Variants in ARX observed in about 807,000 individuals in gnomAD.
The protein encoded by ARX is aristaless related homeobox, also known as homeobox protein ARX.
A neutral mutation model predicts 23.1 loss-of-function variants in ARX; 1 was observed. The ratio of observed to expected loss-of-function variants is 0.04; its 90% CI spans 0.02 to 0.21. The LOEUF is 0.21. Ranked by LOEUF, ARX falls within the 10% of genes least tolerant of loss-of-function variation. The probability of loss-of-function intolerance (pLI) is 1.00; values close to 1 mark genes in which losing one functional copy is unlikely to be tolerated. For synonymous variants in ARX, 301 were observed against 270.1 expected, an observed-to-expected ratio of 1.11 and a Z score of -1.12; for missense variants, 380 against 527.5, an observed-to-expected ratio of 0.72 and a Z score of 2.74.
chrX:25,006,463 TTA>T (rs1465761167), intron 4 of ARX: 5 of 112,895 alleles, frequency 4.4e-5, no homozygotes, highest in Non-Finnish European at 9.4e-5. Context: ...GTCTGTGTGA[TTA>T]TACAGACTTT....
At chrX:25,012,843 C>A in intron 2 of ARX, 79 bp downstream of exon 2, 1 of 1,166,488 alleles carries the variant, frequency 8.6e-7, no homozygotes, top group Non-Finnish European at 1.1e-6. Flanking sequence ...GAGGCCGGGG[C>A]CCCTGCCAGC....
At chrX:25,007,526 CG>C in intron 3 of ARX, 87 bp from the exon 4 acceptor site, 1 of 1,056,081 alleles carries the variant, frequency 9.5e-7, no homozygotes. Context: ...TGGCGCGCTG[CG>C]GGGCCCCCTT....
Position 25,013,678 on chromosome X carries a change from G to A in ARX, c.317C>T (p.Ala106Val). ...LLQGAAAAAA[A>V]AAAAAAAAAT... is the part of the protein sequence containing the mutation. ...GGCCGCTGCCGCCGCCGCCGCCGCC[G>A]CCGCCGCCGCCGCTGCCGCACCCTG... Residue 106 changes from alanine to valine, a missense_variant, in exon 2 of 5, where the codon GCG becomes GTG. By Grantham distance (64) the Ala-to-Val change is moderately conservative. Around this residue, in one of 3 missense-constraint regions of ARX, gnomAD observed 235 missense variants for 270.2 expected, o/e 0.87. Transcript: ENST00000379044. The A allele has an allele frequency of 2.4e-6, 2 of 832,890 alleles. No homozygotes were observed. The highest frequency in any genetic ancestry group is 2.9e-6 in the Non-Finnish European group (2 of 691,728). The allele number at this position is 832,890 out of a possible 1,213,427, so 68.6% of individuals were successfully genotyped here. A position where few individuals can be genotyped will look rare whatever the true frequency, so the allele number is the denominator to read the frequency against.
At chrX:25,005,393 C>A (rs1165781630) in intron 4 of ARX, among the ~76,000 whole-genome samples, 2 of 112,249 alleles carry the variant, frequency 1.8e-5, no homozygotes, top group Non-Finnish European at 3.8e-5. Context: ...TGCCCGGACG[C>A]ACGCCGCAGG....
chrX:25,013,443 C>T lies in ARX; in HGVS notation c.552G>A (p.Pro184=). ...SYRENGAPFV[P]PPPALDELGG... ...CCAGCTCGTCCAGCGCGGGCGGCGGCGGCACGAAGGGCGCCCCGTTCTCGC... is the reference window on the plus strand; with the variant it reads ...CCAGCTCGTCCAGCGCGGGCGGCGGTGGCACGAAGGGCGCCCCGTTCTCGC... Residue 184 remains proline (P), a synonymous_variant, in exon 2 of 5, where the codon CCG becomes CCA. Coordinates refer to ENST00000379044, the MANE Select transcript of ARX (RefSeq NM_139058.3). The T allele has an allele frequency of 6.4e-6, 6 of 933,838 alleles. No homozygotes were observed. The highest frequency in any genetic ancestry group is 5.1e-5 in the Admixed American group (1 of 19,552). The allele number at this position is 933,838 out of a possible 1,213,427, so 77.0% of individuals were successfully genotyped here.
intron 4 of ARX, among the ~76,000 whole-genome samples, chrX:25,005,362 C>T (rs1395294667): frequency 9.0e-6 from 1 of 111,469 alleles, no homozygotes; most frequent in Non-Finnish European, 1.9e-5. Context: ...AAAAAAAAGA[C>T]GGAGAAGGTG....
chrX:25,006,148 C>T (rs894882114), intron 4 of ARX: 6 of 112,370 alleles, frequency 5.3e-5, no homozygotes, highest in Admixed American at 1.9e-4. Context: ...AGAGACAGAA[C>T]TTTAAGATTT....
At chrX:25,005,399 G>T (rs1601945950) in intron 4 of ARX, among the ~76,000 whole-genome samples, 1 of 112,296 alleles carries the variant, frequency 8.9e-6, no homozygotes. Flanking sequence ...GACGCACGCC[G>T]CAGGCTCTGA....
intron 3 of ARX, among the ~76,000 whole-genome samples, chrX:25,009,888 C>G: frequency 9.0e-6 from 1 of 110,804 alleles, no homozygotes; most frequent in East Asian, 2.9e-4. Context: ...GCGGATTTGT[C>G]TAACAACCAA....
rs770318189 is a variant in ARX at position 25,004,862 on chromosome X, C to G, written c.1497G>C (p.Ala499=). ...APLTSASTAA[A]LLRQPTPAVE... ...CGGCGGGTGTGGGCTGTCTCAGGAG[C>G]GCGGCCGCGGTCGACGCGCTGGTCA... Residue 499 remains alanine (A), a synonymous_variant, in exon 5 of 5, where the codon GCG becomes GCC. Coordinates refer to ENST00000379044, the MANE Select transcript of ARX (RefSeq NM_139058.3). The G allele has an allele frequency of 1.7e-6, 2 of 1,147,530 alleles. No individual in the cohort carries two copies. Among genetic ancestry groups the G allele is most frequent in the African/African-American group, 3.7e-5 (2 of 54,575 alleles). The allele number at this position is 1,147,530 out of a possible 1,213,427, so 94.6% of individuals were successfully genotyped here.
intron 3 of ARX, 53 bp from the exon 4 acceptor site, chrX:25,007,492 C>G: frequency 1.8e-6 from 2 of 1,129,253 alleles, no homozygotes; most frequent in East Asian, 3.5e-5. Flanking sequence ...GCGGGCGCAC[C>G]GGGCCCCTAC....
rs1484617648 is a variant in ARX, at chrX:25,013,476, C to T, written c.519G>A (p.Lys173=). The T allele has an allele frequency of 1.1e-6, 1 of 908,890 alleles. No individual in the cohort carries two copies. The allele number at this position is 908,890 out of a possible 1,213,427, so 74.9% of individuals were successfully genotyped here. A position where few individuals can be genotyped will look rare whatever the true frequency, so the allele number is the denominator to read the frequency against. ...AGGGCGCCCCGTTCTCGCGGTACGA[C>T]TTGCTGCGGCTGATGCTCACCTGCG... ...QAPQVSISRS[K]SYRENGAPFV... Residue 173 remains lysine, a synonymous_variant, in exon 2 of 5, where the codon AAG becomes AAA. Coordinates refer to ENST00000379044, the MANE Select transcript of ARX (RefSeq NM_139058.3).
intron 1 of ARX, 32 bp downstream of exon 1, chrX:25,015,510 C>T: frequency 3.3e-6 from 4 of 1,202,889 alleles, no homozygotes; most frequent in Non-Finnish European, 4.5e-6. Context: ...GGCCCAATGC[C>T]CTTAGTAAGT....
At chrX:25,015,397 G>T in intron 1 of ARX, 145 bp downstream of exon 1, 1 of 775,918 alleles carries the variant, frequency 1.3e-6, no homozygotes. Context: ...GATGTTTAAC[G>T]CTCTTTGAGG....
intron 3 of ARX, among the ~76,000 whole-genome samples, chrX:25,009,118 G>A (rs1264383872): frequency 9.0e-6 from 1 of 111,584 alleles, no homozygotes; most frequent in Non-Finnish European, 1.9e-5. Context: ...CTCAAAGAAC[G>A]TGGAAACCTT....
Position 25,013,273 on chromosome X carries a change from T to C in ARX, c.722A>G (p.Glu241Gly). 1 of 1,154,340 alleles carries C rather than the reference T, an allele frequency of 8.7e-7. No individual in the cohort carries two copies. Among genetic ancestry groups the C allele is most frequent in the Non-Finnish European group, 1.1e-6 (1 of 869,875 alleles). Residue 241 changes from glutamate (E) to glycine (G), a missense_variant, in exon 2 of 5, where the codon GAG (glutamate) becomes GGG (glycine). Glu to Gly is a moderately conservative substitution (Grantham distance 98, BLOSUM62 -2). This residue lies in a region of ARX where 235 missense variants were observed against 270.2 expected (regional missense o/e 0.87). Coordinates refer to ENST00000379044, the MANE Select transcript of ARX (RefSeq NM_139058.3). The stretch of plus-strand genomic sequence containing the variant: ...CTCCTCGTCGTCCTCCAGCAGTTCC[T>C]CTTCCTCGTCCTCATCTTCTTCGTC... ...LEDEEDEDEE[E>G]ELLEDDEEEL...
rs1039187088 is a variant in ARX, at chrX:25,013,641, C to T, written c.354G>A (p.Thr118=). The T allele has an allele frequency of 1.1e-5, 8 of 759,992 alleles. No individual in the cohort carries two copies. The highest frequency in any genetic ancestry group is 1.2e-5 in the Non-Finnish European group (8 of 646,279). The allele number at this position is 759,992 out of a possible 1,213,427, so 62.6% of individuals were successfully genotyped here. Residue 118 remains threonine, a synonymous_variant, in exon 2 of 5, where the codon ACG becomes ACA. Transcript: ENST00000379044. ...GAGGGGCCTCCCCGCGTGGACCCGC[C>T]GTGGCCGTGGCGGCCGCTGCCGCCG... ...AAAAAAAATA[T]AGPRGEAPPP...
chrX:25,005,235 C>T (rs1254634799), intron 4 of ARX, among the ~76,000 whole-genome samples: 1 of 111,900 alleles, frequency 8.9e-6, no homozygotes, highest in Non-Finnish European at 1.9e-5. Flanking sequence ...TTCGCTTAAA[C>T]GGACGGTTTA....
chrX:25,009,826 T>C (rs889017980), intron 3 of ARX, among the ~76,000 whole-genome samples: 6 of 111,996 alleles, frequency 5.4e-5, no homozygotes, highest in Non-Finnish European at 1.9e-5. Flanking sequence ...AGTGGGCTTT[T>C]ATGAAGCCCG....
Sources: allele counts gnomAD v4.1 joint callset (sites outside exome capture counted in the v4.1 genomes callset), GRCh38; gene constraint gnomAD v4.1.1; regional missense constraint gnomAD v4.1.1; transcripts MANE v1.5; gene names NCBI Gene and HGNC (gene_info 2026-07-23, HGNC 2026-07-21).